SMAP1: variants seen among roughly 807,000 people sequenced by gnomAD.
SMAP1 encodes the protein stromal membrane-associated protein 1.
Under a neutral mutation model 58.5 loss-of-function variants are expected in SMAP1, and 24 were observed. The ratio of observed to expected loss-of-function variants is 0.41; its 90% confidence interval spans 0.30 to 0.58. The LOEUF is 0.58. Among genes scored for constraint, SMAP1 ranks in the 20% least tolerant of loss-of-function variants. The pLI, the probability that SMAP1 is intolerant of heterozygous loss-of-function variation, is 0.29. For missense variants in SMAP1, 563 were observed against 566.3 expected (o/e 0.99, Z 0.06); for synonymous variants, 216 against 196.6 (o/e 1.10, Z -0.82).
intron 2 of SMAP1, among the ~76,000 whole-genome samples, chr6:70,738,026 G>A (rs939075676): frequency 2.0e-5 from 3 of 152,096 alleles, no homozygotes; most frequent in East Asian, 3.9e-4. Context: ...AAGTGAAATC[G>A]ATTGCCTTGG....
chr6:70,706,144 A>G (rs1767827993), intron 1 of SMAP1, among the ~76,000 whole-genome samples: 1 of 152,130 alleles, frequency 6.6e-6, no homozygotes, highest in Non-Finnish European at 1.5e-5. Context: ...TTCTGTTCCT[A>G]TTTTGGCCTC....
chr6:70,711,780 G>T (rs1352491289), intron 1 of SMAP1, among the ~76,000 whole-genome samples: 1 of 151,938 alleles, frequency 6.6e-6, no homozygotes, highest in African/African-American at 2.4e-5. Context: ...CACCTGCCTC[G>T]TCCTCTCAAA....
At chr6:70,851,962 C>A (rs1342723740) in intron 7 of SMAP1, among the ~76,000 whole-genome samples, 1 of 151,998 alleles carries the variant, frequency 6.6e-6, no homozygotes, top group African/African-American at 2.4e-5. Context: ...ATCTAGTTTT[C>A]TTCCATGTTG....
intron 9 of SMAP1, 175 bp downstream of exon 9, chr6:70,857,205 G>A: frequency 5.7e-6 from 3 of 527,178 alleles, no homozygotes; most frequent in Non-Finnish European, 9.2e-6. Context: ...AAAATTAAGA[G>A]GCATGTACAG....
Position 70,861,263 on chromosome 6 carries a change from G to A in SMAP1, c.*929G>A, listed in dbSNP as rs1212736077. The A allele has an allele frequency of 2.8e-5, 5 of 178,750 alleles. No individual in the cohort carries two copies. Among genetic ancestry groups the A allele is most frequent in the African/African-American group, 1.2e-4 (5 of 42,476 alleles). 11.1% of individuals were successfully genotyped at this position (178,750 alleles called of 1,614,324 possible). Reference sequence around the variant, plus strand: ...TGCAAAGTCAGGAATCATCAGGAACGTTTAGCTGACAAAATACTTGTCTGT... The same window carrying A: ...TGCAAAGTCAGGAATCATCAGGAACATTTAGCTGACAAAATACTTGTCTGT... On this transcript the variant is annotated 3_prime_UTR_variant, in exon 11 of 11. Coordinates refer to ENST00000370455, the MANE Select transcript of SMAP1 (RefSeq NM_001044305.3).
chr6:70,679,702 G>A (rs1421983419), intron 1 of SMAP1, among the ~76,000 whole-genome samples: 5 of 152,180 alleles, frequency 3.3e-5, no homozygotes. Flanking sequence ...ACAGAAGATA[G>A]CTGAGAGAAA....
chr6:70,846,558 G>A (rs764575091), intron 7 of SMAP1, among the ~76,000 whole-genome samples: 3 of 152,172 alleles, frequency 2.0e-5, no homozygotes, highest in African/African-American at 4.8e-5. Context: ...CTGGATTAGC[G>A]GAACATTTGG....
intron 2 of SMAP1, among the ~76,000 whole-genome samples, chr6:70,752,457 G>C (rs1195637410): frequency 6.6e-6 from 1 of 152,166 alleles, no homozygotes; most frequent in Non-Finnish European, 1.5e-5. Flanking sequence ...GGATAATAAT[G>C]CCTGTCTCAT....
Position 70,859,230 on chromosome 6 carries a change from C to CTAAG in SMAP1, c.1270-968_1270-965dup, listed in dbSNP as rs1351384262. 1.3e-5 allele frequency: 10 copies of CTAAG among 748,220 alleles called. No homozygotes were observed. In the Admixed American group the frequency reaches 1.5e-4, roughly 11 times the overall value. The allele number at this position is 748,220 out of a possible 1,614,324, so 46.3% of individuals were successfully genotyped here. The stretch of plus-strand genomic sequence containing the variant: ...CTGGGAATCTAAAAAATTGTATGTG[C>CTAAG]TAAGTGTCAGTCACATGGTCAACAT... On this transcript the variant is annotated intron_variant, in intron 10 of 10. Transcript: ENST00000370455.
intron 1 of SMAP1, among the ~76,000 whole-genome samples, chr6:70,721,361 A>G (rs1768519486): frequency 6.6e-6 from 1 of 152,180 alleles, no homozygotes. Flanking sequence ...AAAACATAAC[A>G]AGAGTCACCT....
intron 1 of SMAP1, chr6:70,668,843 TG>T (rs1766148228): frequency 8.9e-7 from 1 of 1,127,812 alleles, no homozygotes; most frequent in Non-Finnish European, 1.2e-6. Flanking sequence ...TGGAGGACGG[TG>T]GGTTTGTATT....
At chr6:70,805,885 C>G (rs1769104265) in intron 6 of SMAP1, among the ~76,000 whole-genome samples, 1 of 152,126 alleles carries the variant, frequency 6.6e-6, no homozygotes, top group African/African-American at 2.4e-5. Flanking sequence ...AAGCTTCGTC[C>G]CAGAGGGGTA....
In SMAP1 at chr6:70,861,405, A is replaced by T; in HGVS notation, c.*1071A>T. 1 of 464,284 alleles carries T rather than the reference A, an allele frequency of 2.2e-6. No individual in the cohort carries two copies. Among genetic ancestry groups the T allele is most frequent in the Non-Finnish European group, 3.9e-6 (1 of 257,584 alleles). 28.8% of individuals were successfully genotyped at this position (464,284 alleles called of 1,614,324 possible). ...GTATCTTGCAGTATCGGCACTGTAC[A>T]AAAAAATCTTCCAATTTAGTTGTTG... is the stretch of plus-strand genomic sequence containing the variant. On this transcript the variant is annotated 3_prime_UTR_variant, in exon 11 of 11. Transcript: ENST00000370455.
chr6:70,845,821 A>G (rs1770965601), intron 7 of SMAP1, among the ~76,000 whole-genome samples: 1 of 152,198 alleles, frequency 6.6e-6, no homozygotes, highest in African/African-American at 2.4e-5. Context: ...ACAGTGATGC[A>G]CTGAGGTTTG....
At chr6:70,788,026 A>G (rs1361641246) in intron 4 of SMAP1, among the ~76,000 whole-genome samples, 2 of 152,142 alleles carry the variant, frequency 1.3e-5, no homozygotes, top group African/African-American at 4.8e-5. Context: ...CACTATTCAC[A>G]TTAACAAAGA....
intron 4 of SMAP1, among the ~76,000 whole-genome samples, chr6:70,777,388 A>G (rs1399574726): frequency 4.6e-5 from 7 of 151,786 alleles, no homozygotes; most frequent in Admixed American, 3.3e-4. Flanking sequence ...GACCTTTTTT[A>G]TGTACTTGTT....
intron 1 of SMAP1, among the ~76,000 whole-genome samples, chr6:70,676,634 C>T (rs1233157213): frequency 6.6e-6 from 1 of 152,196 alleles, no homozygotes; most frequent in Non-Finnish European, 1.5e-5. Flanking sequence ...AGGTTTTTCT[C>T]AGATTATTGC....
intron 1 of SMAP1, among the ~76,000 whole-genome samples, chr6:70,702,978 G>A (rs1207039069): frequency 6.6e-6 from 1 of 152,122 alleles, no homozygotes; most frequent in Non-Finnish European, 1.5e-5. Flanking sequence ...AGAAGTCAAT[G>A]ATAATGGATT....
At position 70,715,103 on chromosome 6, in the gene SMAP1, C is replaced by CT. The variant is rs34027498; in HGVS notation, c.119-17263dup. Among the ~76,000 whole-genome samples the CT allele has an allele frequency of 2.9e-3, 316 of 108,862 alleles. 1 individual carries two copies. Among genetic ancestry groups the CT allele is most frequent in the Middle Eastern group, 0.011 (2 of 184 alleles). 71.4% of individuals were successfully genotyped at this position (108,862 alleles called of 152,430 possible). On this transcript the variant is annotated intron_variant, in intron 1 of 10. Transcript: ENST00000370455. ...GTGGGTTTCTTTTTTTTTTTTTTTC[C>CT]TTTTTTTTTTTTGGAGACATGGTCT... is the stretch of plus-strand genomic sequence containing the variant.
Sources: gnomAD v4.1 joint callset for allele counts (sites outside exome capture counted in the v4.1 genomes callset) on GRCh38, gnomAD v4.1.1 for gene constraint, MANE v1.5 for transcripts, NCBI Gene and HGNC (gene_info 2026-07-23, HGNC 2026-07-21) for gene names.